CTPS2: variants seen among roughly 807,000 people sequenced by gnomAD.
CTPS2 encodes the protein CTP synthase 2.
Under a neutral mutation model 46.8 loss-of-function variants are expected in CTPS2, and 19 were observed. The ratio of observed to expected loss-of-function variants is 0.41; its 90% CI spans 0.28 to 0.60. CTPS2 has a LOEUF of 0.60. Ranked by LOEUF, CTPS2 falls within the 20% of genes least tolerant of loss-of-function variation. The pLI is 0.35. For synonymous variants in CTPS2, 151 were observed against 165.2 expected, an observed-to-expected ratio of 0.91 and a Z score of 0.66; for missense variants, 286 against 447.6, an observed-to-expected ratio of 0.64 and a Z score of 3.26.
chrX:16,596,188 G>A (rs765578150), intron 17 of CTPS2, among the ~76,000 whole-genome samples: 1 of 104,031 alleles, frequency 9.6e-6, no homozygotes, highest in Non-Finnish European at 2.0e-5. Context: ...GTTTTTTTTT[G>A]TTTTTTTTTT....
At chrX:16,710,173 C>T (rs1440693953) in intron 1 of CTPS2, among the ~76,000 whole-genome samples, 1 of 111,601 alleles carries the variant, frequency 9.0e-6, no homozygotes, top group Non-Finnish European at 1.9e-5. Flanking sequence ...AAATTAAGAC[C>T]CTCATTCCAA....
At chrX:16,613,939 G>A (rs1602137924) in intron 16 of CTPS2, among the ~76,000 whole-genome samples, 1 of 111,124 alleles carries the variant, frequency 9.0e-6, no homozygotes, top group African/African-American at 3.3e-5. Flanking sequence ...TTGTCACAAC[G>A]TGGGAGGTAG....
intron 13 of CTPS2, among the ~76,000 whole-genome samples, chrX:16,665,023 T>C (rs1237655193): frequency 8.9e-6 from 1 of 112,212 alleles, no homozygotes; most frequent in Non-Finnish European, 1.9e-5. Context: ...AAGTGGCCAA[T>C]AAACACATGA....
chrX:16,654,421 A>G, intron 13 of CTPS2: 2 of 1,196,906 alleles, frequency 1.7e-6, no homozygotes, highest in South Asian at 1.8e-5. Flanking sequence ...AACACCCTAG[A>G]TGATCTCTTT....
At chrX:16,674,633 T>A (rs1435029176) in intron 10 of CTPS2, among the ~76,000 whole-genome samples, 2 of 103,452 alleles carry the variant, frequency 1.9e-5, no homozygotes, top group Non-Finnish European at 2.0e-5. Context: ...GGTCAGGAGA[T>A]CGAGACCATC....
intron 16 of CTPS2, among the ~76,000 whole-genome samples, chrX:16,616,491 A>G (rs1930533740): frequency 9.0e-6 from 1 of 111,225 alleles, no homozygotes; most frequent in African/African-American, 3.3e-5. Flanking sequence ...ATTCTTTCTC[A>G]AAAGAGGAGA....
chrX:16,632,298 A>G (rs1470789915), intron 14 of CTPS2, among the ~76,000 whole-genome samples: 2 of 112,297 alleles, frequency 1.8e-5, no homozygotes, highest in Admixed American at 1.9e-4. Flanking sequence ...AACTTTTTTA[A>G]AAGGAGAAAA....
At chrX:16,672,274 C>T (rs966471844) in intron 10 of CTPS2, among the ~76,000 whole-genome samples, 3 of 111,105 alleles carry the variant, frequency 2.7e-5, no homozygotes, top group African/African-American at 6.6e-5. Context: ...AAAGGGGAAA[C>T]TTGAGAGTTG....
chrX:16,663,530 C>G (rs1306607290), intron 13 of CTPS2, among the ~76,000 whole-genome samples: 1 of 111,284 alleles, frequency 9.0e-6, no homozygotes, highest in East Asian at 2.8e-4. Context: ...ACACAAATCT[C>G]TGAAATAACT....
intron 4 of CTPS2, among the ~76,000 whole-genome samples, chrX:16,697,106 TG>T (rs1924169757): frequency 9.0e-6 from 1 of 111,261 alleles, no homozygotes; most frequent in East Asian, 2.8e-4. Flanking sequence ...ATGAGTTAAA[TG>T]AGTTAAAGAG....
At chrX:16,592,403 T>A (rs1174817028) in intron 17 of CTPS2, among the ~76,000 whole-genome samples, 1 of 112,090 alleles carries the variant, frequency 8.9e-6, no homozygotes, top group East Asian at 2.8e-4. Flanking sequence ...CAGCTGTGTA[T>A]CCCTGATTAC....
intron 14 of CTPS2, chrX:16,638,611 G>A (rs1008784651): frequency 3.9e-5 from 6 of 155,465 alleles, no homozygotes; most frequent in Admixed American, 3.2e-4. Context: ...AACCTTATGG[G>A]GAGTGGAAAG....
chrX:16,668,735 AAG>A (rs1255796850), intron 11 of CTPS2, among the ~76,000 whole-genome samples: 4 of 93,243 alleles, frequency 4.3e-5, no homozygotes, highest in Non-Finnish European at 8.6e-5. Flanking sequence ...GGAAGGGAGA[AAG>A]AGAGAAAGAA....
intron 10 of CTPS2, among the ~76,000 whole-genome samples, chrX:16,677,375 T>G (rs1441985877): frequency 1.8e-5 from 2 of 111,574 alleles, no homozygotes. Context: ...GCCCTCGCCA[T>G]CTGACGCTTT....
At chrX:16,636,198 G>A (rs370609669) in intron 14 of CTPS2, among the ~76,000 whole-genome samples, 3 of 110,615 alleles carry the variant, frequency 2.7e-5, no homozygotes, top group South Asian at 3.8e-4. Flanking sequence ...TCAGGAGTTC[G>A]AGACCAGTGT....
rs1924269857 is a variant in CTPS2, at chrX:16,698,241, T to C, written c.433A>G (p.Ile145Val). The C allele has an allele frequency of 8.4e-7, 1 of 1,186,108 alleles. No individual in the cohort carries two copies. Among genetic ancestry groups the C allele is most frequent in the South Asian group, 1.8e-5 (1 of 56,260 alleles). ...GNKEEPQICV[I>V]ELGGTIGDIE... The stretch of plus-strand genomic sequence containing the variant: ...AAAGAAAGTTCTATGCTTGCCTCAA[T>C]AACGCATATTTGGGGCTCTTCCTTA... The change falls in exon 4 of 19, where the codon ATT becomes GTT. Residue 145 changes from isoleucine (I) to valine (V), a missense_variant. By Grantham distance (29) the Ile-to-Val change is conservative. Transcript: ENST00000359276.
rs1293813244 is a variant in CTPS2 at position 16,693,414 on chromosome X, T to C, written c.512A>G (p.Lys171Arg). 1 of 1,210,313 alleles carries C rather than the reference T, an allele frequency of 8.3e-7. No individual in the cohort carries two copies. Among genetic ancestry groups the C allele is most frequent in the Non-Finnish European group, 1.1e-6 (1 of 894,283 alleles). The change falls in exon 5 of 19, where the codon AAA becomes AGA. Residue 171 changes from lysine to arginine, a missense_variant. Coordinates refer to ENST00000359276, the MANE Select transcript of CTPS2 (RefSeq NM_175859.3). ...GTGGATATTACAGAAATTCTCTCTT[T>C]TCGCCTTAAACTGGAATTGTCTAAA... ...EAFRQFQFKA[K>R]RENFCNIHVS...
chrX:16,658,747 T>C (rs1334491558), intron 13 of CTPS2, among the ~76,000 whole-genome samples: 1 of 112,445 alleles, frequency 8.9e-6, no homozygotes, highest in African/African-American at 3.2e-5. Flanking sequence ...TGCACATTTT[T>C]TATTTGTTGC....
chrX:16,698,700 G>A (rs935336436), intron 3 of CTPS2, among the ~76,000 whole-genome samples: 13 of 110,901 alleles, frequency 1.2e-4, no homozygotes, highest in Non-Finnish European at 2.3e-4. Context: ...ACAGGCATGC[G>A]CCACCATGCC....
Sources: gnomAD v4.1 joint callset for allele counts (sites outside exome capture counted in the v4.1 genomes callset) on GRCh38, gnomAD v4.1.1 for gene constraint, MANE v1.5 for transcripts, NCBI Gene and HGNC (gene_info 2026-07-23, HGNC 2026-07-21) for gene names.